Variants in CNTNAP2 observed in about 807,000 individuals in gnomAD.
CNTNAP2 encodes contactin associated protein 2, also known as contactin-associated protein-like 2.
In CNTNAP2, 98 loss-of-function variants were observed where a neutral mutation model predicts 155.2. The ratio of observed to expected loss-of-function variants is 0.63; its 90% CI spans 0.54 to 0.75. The LOEUF (loss-of-function observed/expected upper bound fraction) is 0.75, where lower values mean the gene tolerates loss of function less well. Among genes scored for constraint, CNTNAP2 ranks in the 30% least tolerant of loss-of-function variants. The probability of loss-of-function intolerance (pLI) is 0.00; values close to 1 mark genes in which losing one functional copy is unlikely to be tolerated. For missense variants in CNTNAP2, 1,727 were observed against 1,688.1 expected, an observed-to-expected ratio of 1.02 and a Z score of -0.40; for synonymous variants, 651 against 631.2, an observed-to-expected ratio of 1.03 and a Z score of -0.47.
At chr7:146,748,539 A>G (rs918529148) in intron 1 of CNTNAP2, among the ~76,000 whole-genome samples, 1 of 152,188 alleles carries the variant, frequency 6.6e-6, no homozygotes, top group Non-Finnish European at 1.5e-5. Flanking sequence ...CAAAAAGGCA[A>G]TTAAAAGAAT....
At chr7:147,783,113 A>G (rs1338971988) in intron 13 of CNTNAP2, among the ~76,000 whole-genome samples, 2 of 152,238 alleles carry the variant, frequency 1.3e-5, no homozygotes, top group Non-Finnish European at 2.9e-5. Flanking sequence ...CACTTAAACA[A>G]TCCCTAGTGT....
At chr7:146,569,741 A>C (rs1445914292) in intron 1 of CNTNAP2, among the ~76,000 whole-genome samples, 1 of 152,144 alleles carries the variant, frequency 6.6e-6, no homozygotes, top group Non-Finnish European at 1.5e-5. Flanking sequence ...ATACTACAGG[A>C]AAAAAAGGCA....
intron 11 of CNTNAP2, among the ~76,000 whole-genome samples, chr7:147,552,983 A>G (rs1799880960): frequency 6.6e-6 from 1 of 152,232 alleles, no homozygotes; most frequent in Non-Finnish European, 1.5e-5. Context: ...ATACAAGCTA[A>G]GGGCACAGAA....
intron 1 of CNTNAP2, among the ~76,000 whole-genome samples, chr7:146,765,687 G>A (rs1802182345): frequency 6.6e-6 from 1 of 152,190 alleles, no homozygotes; most frequent in South Asian, 2.1e-4. Flanking sequence ...ATTTCAGATT[G>A]TGGTGAGTGC....
At chr7:146,552,375 T>C (rs1798135191) in intron 1 of CNTNAP2, among the ~76,000 whole-genome samples, 2 of 152,144 alleles carry the variant, frequency 1.3e-5, no homozygotes, top group Admixed American at 6.6e-5. Flanking sequence ...GCTATCATTG[T>C]CTCTTCTCAG....
Position 147,039,349 on chromosome 7 carries a change from C to T in CNTNAP2, c.403-4558C>T, listed in dbSNP as rs1305625814. On this transcript the variant is annotated intron_variant, in intron 3 of 23. Coordinates refer to ENST00000361727, the MANE Select transcript of CNTNAP2 (RefSeq NM_014141.6). ...CAGTACCCAATAGTTATCCTTTCTG[C>T]TCCTCTCCCTCCTTCCACCCTCCAC... is the stretch of plus-strand genomic sequence containing the variant. Among the ~76,000 whole-genome samples the T allele has an allele frequency of 2.6e-5, 4 of 152,098 alleles. No individual in the cohort carries two copies. The East Asian group carries it at 7.7e-4, about 29-fold the overall frequency.
At chr7:148,296,502 C>T (rs1038116837) in intron 21 of CNTNAP2, among the ~76,000 whole-genome samples, 16 of 134,810 alleles carry the variant, frequency 1.2e-4, no homozygotes, top group Admixed American at 3.4e-4. Context: ...GCCAAGATCA[C>T]GCTGCTGCAC....
Position 146,890,207 on chromosome 7 carries a change from C to T in CNTNAP2, c.402+50303C>T, listed in dbSNP as rs574881882. 5.9e-5 allele frequency among the ~76,000 whole-genome samples: 9 copies of T among 152,278 alleles called. No individual in the cohort carries two copies. In the South Asian group the frequency reaches 8.3e-4, roughly 14 times the overall value. The stretch of plus-strand genomic sequence containing the variant: ...TATGCCCTGATTTTGTCTTCTACCA[C>T]GACACACTCATAGGCTATCTTCAGA... On this transcript the variant is annotated intron_variant, in intron 3 of 23. Coordinates refer to ENST00000361727, the MANE Select transcript of CNTNAP2 (RefSeq NM_014141.6).
At chr7:148,134,403 A>C (rs911279907) in intron 16 of CNTNAP2, among the ~76,000 whole-genome samples, 1 of 152,224 alleles carries the variant, frequency 6.6e-6, no homozygotes, top group African/African-American at 2.4e-5. Flanking sequence ...ACATCAGAAC[A>C]TGCTGGCATT....
chr7:147,328,104 T>C (rs1795494042), intron 9 of CNTNAP2, among the ~76,000 whole-genome samples: 1 of 152,166 alleles, frequency 6.6e-6, no homozygotes, highest in African/African-American at 2.4e-5. Flanking sequence ...AGTGTCAGGT[T>C]GGCCGCGAAT....
chr7:147,573,210 G>A (rs894796837), intron 12 of CNTNAP2, among the ~76,000 whole-genome samples: 4 of 152,010 alleles, frequency 2.6e-5, no homozygotes, highest in African/African-American at 9.7e-5. Flanking sequence ...ATACAACTTT[G>A]GGAAAAAATA....
At chr7:148,267,221 C>A in intron 21 of CNTNAP2, 95 bp downstream of exon 21, 1 of 1,078,876 alleles carries the variant, frequency 9.3e-7, no homozygotes, top group Non-Finnish European at 1.4e-6. Context: ...ATTTCTCTTA[C>A]TGGGGCCAGT....
chr7:147,902,595 A>T (rs767938844), intron 13 of CNTNAP2, among the ~76,000 whole-genome samples: 4 of 152,124 alleles, frequency 2.6e-5, no homozygotes, highest in Non-Finnish European at 4.4e-5. Context: ...AAGTCCTTGT[A>T]TCATTCTTCT....
At chr7:148,177,958 A>G (rs914688064) in intron 18 of CNTNAP2, among the ~76,000 whole-genome samples, 5 of 152,002 alleles carry the variant, frequency 3.3e-5, no homozygotes, top group African/African-American at 1.2e-4. Flanking sequence ...TATTGAGCAA[A>G]CATTCATTGA....
chr7:147,469,380 C>CA (rs1196938261), intron 10 of CNTNAP2, among the ~76,000 whole-genome samples: 2 of 151,548 alleles, frequency 1.3e-5, no homozygotes, highest in African/African-American at 4.8e-5. Flanking sequence ...GAAATTCATT[C>CA]AAAAAATATC....
intron 1 of CNTNAP2, among the ~76,000 whole-genome samples, chr7:146,323,928 A>G (rs1801050359): frequency 6.6e-6 from 1 of 152,184 alleles, no homozygotes; most frequent in South Asian, 2.1e-4. Flanking sequence ...GATGTAATGG[A>G]CATCCCTTTC....
intron 1 of CNTNAP2, among the ~76,000 whole-genome samples, chr7:146,440,439 A>G (rs2129119282): frequency 6.6e-6 from 1 of 151,678 alleles, no homozygotes; most frequent in South Asian, 2.1e-4. Flanking sequence ...TAAAATCCAA[A>G]GAGTGTAATG....
At chr7:146,584,795 A>G (rs1040486458) in intron 1 of CNTNAP2, among the ~76,000 whole-genome samples, 10 of 128,584 alleles carry the variant, frequency 7.8e-5, no homozygotes, top group African/African-American at 3.5e-4. Flanking sequence ...TCTTAAACCA[A>G]TTATTGCAAA....
intron 22 of CNTNAP2, among the ~76,000 whole-genome samples, chr7:148,405,905 A>C (rs1799693343): frequency 6.6e-6 from 1 of 151,688 alleles, no homozygotes; most frequent in Non-Finnish European, 1.5e-5. Flanking sequence ...ATTTTTTATC[A>C]CTATATTTAA....
Sources: allele counts gnomAD v4.1 joint callset (sites outside exome capture counted in the v4.1 genomes callset), GRCh38; gene constraint gnomAD v4.1.1; transcripts MANE v1.5; gene names NCBI Gene and HGNC (gene_info 2026-07-23, HGNC 2026-07-21).